SPATA16: variants seen among roughly 807,000 people sequenced by gnomAD.
SPATA16 encodes spermatogenesis associated 16.
A neutral mutation model predicts 63.3 loss-of-function variants in SPATA16; 36 were observed. The observed-to-expected ratio is 0.57, with a 90% CI of 0.44 to 0.75. The LOEUF (loss-of-function observed/expected upper bound fraction) is 0.75. Among genes scored for constraint, SPATA16 ranks in the 30% least tolerant of loss-of-function variants. SPATA16 has a pLI of 0.00. For synonymous variants in SPATA16, 203 were observed against 216.7 expected, an observed-to-expected ratio of 0.94 and a Z score of 0.56; for missense variants, 646 against 679.3, an observed-to-expected ratio of 0.95 and a Z score of 0.54.
intron 4 of SPATA16, among the ~76,000 whole-genome samples, chr3:172,994,239 C>T (rs151280578): frequency 4.6e-5 from 7 of 152,230 alleles, no homozygotes; most frequent in Non-Finnish European, 8.8e-5. Flanking sequence ...GTGAATCAGT[C>T]AGTTCTAAAC....
intron 8 of SPATA16, among the ~76,000 whole-genome samples, chr3:172,921,112 G>T (rs1732607044): frequency 6.7e-6 from 1 of 149,622 alleles, no homozygotes; most frequent in Non-Finnish European, 1.5e-5. Flanking sequence ...ACGTTGTCCA[G>T]GCAGGTCTTG....
intron 4 of SPATA16, among the ~76,000 whole-genome samples, chr3:172,984,657 C>T (rs962658265): frequency 3.9e-5 from 6 of 152,146 alleles, no homozygotes; most frequent in African/African-American, 1.4e-4. Context: ...TTTATAGGTT[C>T]CTGCCTTGAT....
At chr3:173,076,951 A>G (rs1736819764) in intron 2 of SPATA16, among the ~76,000 whole-genome samples, 1 of 152,104 alleles carries the variant, frequency 6.6e-6, no homozygotes, top group African/African-American at 2.4e-5. Flanking sequence ...GAGCATGTGA[A>G]TTGTTAATCC....
chr3:173,049,969 T>C (rs1204525718), intron 2 of SPATA16, among the ~76,000 whole-genome samples: 1 of 152,110 alleles, frequency 6.6e-6, no homozygotes, highest in Non-Finnish European at 1.5e-5. Context: ...TTTTGCTCTT[T>C]TCTACTTCCA....
intron 4 of SPATA16, among the ~76,000 whole-genome samples, chr3:173,017,653 A>G (rs780890422): frequency 6.6e-6 from 1 of 152,184 alleles, no homozygotes; most frequent in African/African-American, 2.4e-5. Flanking sequence ...TGAATATTTA[A>G]CAATTTGATC....
intron 10 of SPATA16, among the ~76,000 whole-genome samples, chr3:172,912,416 G>C (rs142476290): frequency 6.6e-6 from 1 of 152,100 alleles, no homozygotes; most frequent in Non-Finnish European, 1.5e-5. Flanking sequence ...TGGTAGATAT[G>C]TATTCAACAC....
intron 2 of SPATA16, among the ~76,000 whole-genome samples, chr3:173,106,390 A>T (rs1274628646): frequency 6.6e-6 from 1 of 152,336 alleles, no homozygotes; most frequent in South Asian, 2.1e-4. Flanking sequence ...GGATTATGGC[A>T]AATAAAATGT....
intron 10 of SPATA16, 43 bp downstream of exon 10, chr3:172,913,618 C>A (rs1290834618): frequency 1.3e-6 from 2 of 1,584,276 alleles, no homozygotes; most frequent in Non-Finnish European, 1.7e-6. Flanking sequence ...TGGACATTTT[C>A]TTTGAGAATA....
intron 1 of SPATA16, among the ~76,000 whole-genome samples, chr3:173,130,062 A>G (rs1331174067): frequency 6.6e-6 from 1 of 152,138 alleles, no homozygotes; most frequent in Non-Finnish European, 1.5e-5. Flanking sequence ...GTAAAGATGA[A>G]CATACAAATC....
intron 2 of SPATA16, among the ~76,000 whole-genome samples, chr3:173,115,884 G>C (rs1172107383): frequency 6.6e-6 from 1 of 150,862 alleles, no homozygotes; most frequent in Non-Finnish European, 1.5e-5. Context: ...TACTCTTGTG[G>C]GCATTTTTTT....
chr3:172,969,731 T>C (rs1204668404), intron 5 of SPATA16, among the ~76,000 whole-genome samples: 1 of 152,162 alleles, frequency 6.6e-6, no homozygotes, highest in Non-Finnish European at 1.5e-5. Context: ...CAACGTCATC[T>C]CCACCCCTTT....
chr3:172,955,632 C>T (rs543127040), intron 6 of SPATA16, among the ~76,000 whole-genome samples: 5 of 152,162 alleles, frequency 3.3e-5, no homozygotes, highest in Admixed American at 2.6e-4. Context: ...ATATCTTTCC[C>T]TTGAAGAGCG....
chr3:173,017,822 A>C (rs1348071208), intron 4 of SPATA16, among the ~76,000 whole-genome samples: 2 of 152,208 alleles, frequency 1.3e-5, no homozygotes, highest in South Asian at 2.1e-4. Flanking sequence ...GTTACCTGCT[A>C]ATGCTGAACT....
rs574486454 is a variant in SPATA16, at chr3:173,088,450, C to A, written c.612+28670G>T. Among the ~76,000 whole-genome samples, 21 of 152,062 alleles carry A rather than the reference C, an allele frequency of 1.4e-4. No homozygotes were observed. In the East Asian group the frequency reaches 3.9e-3, roughly 28 times the overall value. ...TGTTTTTGTTTACTCATGCTGTATA[C>A]CTTGATGTAGCTTTATTTAGAAACA... is the stretch of plus-strand genomic sequence containing the variant. On this transcript the variant is annotated intron_variant, in intron 2 of 10. Coordinates refer to ENST00000351008, the MANE Select transcript of SPATA16 (RefSeq NM_031955.6).
intron 4 of SPATA16, among the ~76,000 whole-genome samples, chr3:172,977,372 A>G (rs943494565): frequency 2.0e-5 from 3 of 152,140 alleles, no homozygotes; most frequent in Non-Finnish European, 4.4e-5. Flanking sequence ...TTAAGCTTCA[A>G]AGCCCTTACA....
intron 5 of SPATA16, among the ~76,000 whole-genome samples, chr3:172,962,361 C>T (rs1189568041): frequency 6.7e-6 from 1 of 148,484 alleles, no homozygotes; most frequent in African/African-American, 2.5e-5. Flanking sequence ...TAGATCCAAT[C>T]AGAAACATCC....
At chr3:172,899,764 A>G (rs1732085731) in intron 10 of SPATA16, among the ~76,000 whole-genome samples, 1 of 151,938 alleles carries the variant, frequency 6.6e-6, no homozygotes, top group Non-Finnish European at 1.5e-5. Context: ...AGAGTTTTTG[A>G]TATATCTTTT....
At chr3:172,966,313 C>T (rs1733919151) in intron 5 of SPATA16, among the ~76,000 whole-genome samples, 2 of 152,280 alleles carry the variant, frequency 1.3e-5, no homozygotes, top group South Asian at 2.1e-4. Context: ...CCAACCTCCA[C>T]CTGATGAAGA....
chr3:172,900,580 A>G (rs1270089312), intron 10 of SPATA16, among the ~76,000 whole-genome samples: 1 of 151,836 alleles, frequency 6.6e-6, no homozygotes, highest in African/African-American at 2.4e-5. Flanking sequence ...CAGATCCCAG[A>G]GCCTTTTTTT....
Sources: gnomAD v4.1 joint callset for allele counts (sites outside exome capture counted in the v4.1 genomes callset) on GRCh38, gnomAD v4.1.1 for gene constraint, MANE v1.5 for transcripts, NCBI Gene and HGNC (gene_info 2026-07-23, HGNC 2026-07-21) for gene names.